Variants in EBF1 observed in about 807,000 individuals in gnomAD.
The protein encoded by EBF1 is EBF transcription factor 1.
Under a neutral mutation model 68.4 loss-of-function variants are expected in EBF1, and 10 were observed. That is an observed-to-expected ratio of 0.15 (90% CI 0.09 to 0.25). The LOEUF (loss-of-function observed/expected upper bound fraction) is 0.25. Among genes scored for constraint, EBF1 ranks in the 10% least tolerant of loss-of-function variants. The pLI is 1.00. For missense variants in EBF1, 509 were observed against 794.4 expected, an observed-to-expected ratio of 0.64 and a Z score of 4.32; for synonymous variants, 298 against 299.8, an observed-to-expected ratio of 0.99 and a Z score of 0.06.
intron 6 of EBF1, among the ~76,000 whole-genome samples, chr5:158,882,450 C>T (rs1176943476): frequency 1.3e-5 from 2 of 152,086 alleles, no homozygotes; most frequent in Non-Finnish European, 2.9e-5. Flanking sequence ...TGCTAGATGC[C>T]AGGTACTCAA....
chr5:159,013,578 C>T (rs1418111984), intron 6 of EBF1, among the ~76,000 whole-genome samples: 1 of 152,102 alleles, frequency 6.6e-6, no homozygotes. Context: ...GCTGGAGGGC[C>T]CACAATGCTG....
At chr5:158,896,398 A>C (rs1171003200) in intron 6 of EBF1, among the ~76,000 whole-genome samples, 1 of 152,208 alleles carries the variant, frequency 6.6e-6, no homozygotes, top group African/African-American at 2.4e-5. Context: ...AAGATTAAAC[A>C]CTCAATAAAT....
At chr5:158,953,656 T>TTTC (rs1160460921) in intron 6 of EBF1, among the ~76,000 whole-genome samples, 2 of 152,162 alleles carry the variant, frequency 1.3e-5, no homozygotes, top group Non-Finnish European at 2.9e-5. Context: ...TGCCAGGAGT[T>TTTC]TTCCATCTTT....
intron 6 of EBF1, among the ~76,000 whole-genome samples, chr5:158,863,394 T>C (rs1239070735): frequency 1.3e-5 from 2 of 152,200 alleles, no homozygotes; most frequent in East Asian, 3.8e-4. Flanking sequence ...TGACTGCCAC[T>C]TACCAATCTC....
At chr5:158,887,074 C>T (rs868209462) in intron 6 of EBF1, among the ~76,000 whole-genome samples, 5 of 152,184 alleles carry the variant, frequency 3.3e-5, no homozygotes, top group Middle Eastern at 3.4e-3. Flanking sequence ...CTTCAAAGGC[C>T]CCAGTTTCAA....
chr5:158,722,127 A>G (rs1408241634), intron 11 of EBF1, among the ~76,000 whole-genome samples: 1 of 152,156 alleles, frequency 6.6e-6, no homozygotes, highest in Non-Finnish European at 1.5e-5. Flanking sequence ...GCTGTGGGTT[A>G]GGTCCTGCTG....
intron 10 of EBF1, among the ~76,000 whole-genome samples, chr5:158,741,471 A>G (rs916846833): frequency 2.0e-5 from 3 of 151,416 alleles, no homozygotes; most frequent in African/African-American, 2.4e-5. Flanking sequence ...GCTACTCGGG[A>G]GGCTGAAGTG....
intron 9 of EBF1, among the ~76,000 whole-genome samples, chr5:158,794,694 T>A (rs1332049361): frequency 6.6e-6 from 1 of 152,146 alleles, no homozygotes; most frequent in Non-Finnish European, 1.5e-5. Flanking sequence ...ACTTCCTTGA[T>A]AAGCAACAGA....
chr5:158,964,162 G>A (rs910712971), intron 6 of EBF1, among the ~76,000 whole-genome samples: 2 of 152,124 alleles, frequency 1.3e-5, no homozygotes, highest in African/African-American at 4.8e-5. Flanking sequence ...GAAAACAGGT[G>A]CAAAGACAAA....
intron 6 of EBF1, among the ~76,000 whole-genome samples, chr5:159,004,445 TGAC>T (rs1763160448): frequency 1.3e-5 from 2 of 152,186 alleles, no homozygotes; most frequent in Non-Finnish European, 2.9e-5. Context: ...TCAACAGCTC[TGAC>T]TTACAGGACC....
intron 6 of EBF1, among the ~76,000 whole-genome samples, chr5:158,852,803 A>T (rs1338206367): frequency 6.6e-6 from 1 of 152,230 alleles, no homozygotes; most frequent in Non-Finnish European, 1.5e-5. Context: ...CAATGACAGC[A>T]TTTAGACTTT....
chr5:158,917,298 C>G (rs1583151023), intron 6 of EBF1, among the ~76,000 whole-genome samples: 1 of 152,328 alleles, frequency 6.6e-6, no homozygotes, highest in African/African-American at 2.4e-5. Context: ...GCCTCCAGTT[C>G]CCTCATTCTT....
intron 10 of EBF1, among the ~76,000 whole-genome samples, chr5:158,772,885 C>T (rs1774167925): frequency 6.6e-6 from 1 of 152,084 alleles, no homozygotes; most frequent in Non-Finnish European, 1.5e-5. Flanking sequence ...CATATGTTTC[C>T]CTGATCCTAA....
chr5:158,835,306 T>C (rs1055977359), intron 7 of EBF1, among the ~76,000 whole-genome samples: 1 of 152,212 alleles, frequency 6.6e-6, no homozygotes, highest in Admixed American at 6.5e-5. Flanking sequence ...AGGAGCTCTC[T>C]TGCCTTGGAG....
intron 9 of EBF1, among the ~76,000 whole-genome samples, chr5:158,788,336 T>C (rs537969269): frequency 1.3e-5 from 2 of 151,886 alleles, no homozygotes; most frequent in Non-Finnish European, 2.9e-5. Context: ...CAGAGGGATA[T>C]GGGCACAGAA....
At chr5:159,071,103 C>A (rs1356992615) in intron 6 of EBF1, among the ~76,000 whole-genome samples, 1 of 152,160 alleles carries the variant, frequency 6.6e-6, no homozygotes, top group Non-Finnish European at 1.5e-5. Flanking sequence ...AGGACTGGAG[C>A]TTTTAAAACC....
chr5:159,023,248 AAG>A (rs1203777130), intron 6 of EBF1, among the ~76,000 whole-genome samples: 5 of 152,188 alleles, frequency 3.3e-5, no homozygotes, highest in Non-Finnish European at 7.3e-5. Context: ...CTTCAGAAAA[AAG>A]AGAATCAAGA....
chr5:158,806,584 G>C (rs1397275702), intron 8 of EBF1, among the ~76,000 whole-genome samples: 1 of 152,134 alleles, frequency 6.6e-6, no homozygotes, highest in Non-Finnish European at 1.5e-5. Context: ...TTATACTTAA[G>C]TAGTACCCTT....
chr5:158,940,867 T>G (rs1255357475), intron 6 of EBF1, among the ~76,000 whole-genome samples: 1 of 146,424 alleles, frequency 6.8e-6, no homozygotes, highest in Non-Finnish European at 1.5e-5. Context: ...ATAAAACCAC[T>G]CCAGATGAAA....
Sources: allele counts gnomAD v4.1 joint callset (sites outside exome capture counted in the v4.1 genomes callset), GRCh38; gene constraint gnomAD v4.1.1; transcripts MANE v1.5; gene names NCBI Gene and HGNC (gene_info 2026-07-23, HGNC 2026-07-21).